CCDC187: variants seen among roughly 807,000 people sequenced by gnomAD.
CCDC187 encodes coiled-coil domain-containing protein 187.
A neutral mutation model predicts 38.0 loss-of-function variants in CCDC187; 32 were observed. The ratio of observed to expected loss-of-function variants is 0.84; its 90% CI spans 0.64 to 1.13. The LOEUF (loss-of-function observed/expected upper bound fraction) is 1.13. CCDC187 is among the 50% of genes most tolerant of loss of function. The pLI, the probability that CCDC187 is intolerant of heterozygous loss-of-function variation, is 0.00. For synonymous variants in CCDC187, 333 were observed against 347.9 expected (o/e 0.96, Z 0.48); for missense variants, 707 against 786.8 (o/e 0.90, Z 1.21).
At chr9:136,304,315 G>C (rs1831764593), upstream of CCDC187, among the ~76,000 whole-genome samples, 1 of 152,196 alleles carries the variant, frequency 6.6e-6, no homozygotes, top group Admixed American at 6.5e-5. Flanking sequence ...GGTGGGGGCG[G>C]GGCCTAACCC....
intron 12 of CCDC187, among the ~76,000 whole-genome samples, chr9:136,275,359 C>T (rs1394607168): frequency 2.0e-5 from 3 of 152,108 alleles, no homozygotes; most frequent in African/African-American, 4.8e-5. Context: ...TCCTGTGATG[C>T]GGGGAGCAGG....
intron 4 of CCDC187, among the ~76,000 whole-genome samples, chr9:136,293,337 T>A (rs1241412621): frequency 8.1e-5 from 10 of 123,294 alleles, no homozygotes; most frequent in African/African-American, 2.8e-4. Context: ...GCTTACACAC[T>A]CACACTCACA....
rs1433642270 is a variant in CCDC187, at chr9:136,257,460, T to G, written c.4367-619A>C. 6.6e-6 allele frequency among the ~76,000 whole-genome samples: 1 copy of G among 152,138 alleles called. No homozygotes were observed. The highest frequency in any genetic ancestry group is 1.5e-5 in the Non-Finnish European group (1 of 68,028). On this transcript the variant is annotated intron_variant, in intron 22 of 25. Transcript: ENST00000638797. The surrounding 1 kb of genome is among the most constrained non-coding windows in gnomAD (Gnocchi z 4.5). ...GGAAACCTTTTGCCAGAGCTTGTTC[T>G]TCCCCCTCGGTGCCGTCCGACAGAC...
rs533681154 is a variant in CCDC187, at chr9:136,264,858, C to A, written c.3736-1060G>T. Among the ~76,000 whole-genome samples the A allele has an allele frequency of 6.6e-6, 1 of 152,208 alleles. No individual in the cohort carries two copies. The highest frequency in any genetic ancestry group is 2.1e-4 in the South Asian group (1 of 4,826). On this transcript the variant is annotated intron_variant, in intron 17 of 25. Coordinates refer to ENST00000638797, the MANE Select transcript of CCDC187 (RefSeq NM_001378188.1). This position sits in a 1 kb window ranked among gnomAD's most constrained non-coding sequence, Gnocchi z 4.3. ...GCAGCCTTGACCTCCCAAGCTCAAGCAATCCTCCCATCTCAGTCCACCAAA... is the reference window on the plus strand; with the variant it reads ...GCAGCCTTGACCTCCCAAGCTCAAGAAATCCTCCCATCTCAGTCCACCAAA...
intron 4 of CCDC187, among the ~76,000 whole-genome samples, chr9:136,292,624 A>G (rs935387828): frequency 6.6e-6 from 1 of 152,172 alleles, no homozygotes; most frequent in African/African-American, 2.4e-5. Context: ...CTCTCAGCAC[A>G]GGCCGGGCAC....
chr9:136,298,829 G>C (rs1831600690), intron 3 of CCDC187, among the ~76,000 whole-genome samples: 1 of 152,260 alleles, frequency 6.6e-6, no homozygotes, highest in Non-Finnish European at 1.5e-5. Context: ...CAGAGTTTCA[G>C]TTTGGGAAGA....
chr9:136,298,815 G>A (rs1831600469), intron 3 of CCDC187, among the ~76,000 whole-genome samples: 1 of 152,240 alleles, frequency 6.6e-6, no homozygotes, highest in Non-Finnish European at 1.5e-5. Context: ...AGAGTAAGTG[G>A]GGACAGAGTT....
intron 7 of CCDC187, among the ~76,000 whole-genome samples, chr9:136,288,337 C>T (rs1157209704): frequency 1.3e-5 from 2 of 151,554 alleles, no homozygotes; most frequent in East Asian, 1.9e-4. Context: ...AGGGAGGGGT[C>T]GGGTCCTGCA....
At chr9:136,302,387 C>T (rs1428485579) in intron 2 of CCDC187, among the ~76,000 whole-genome samples, 1 of 149,732 alleles carries the variant, frequency 6.7e-6, no homozygotes. Context: ...CCACCACACT[C>T]CCACCCCCTG....
At chr9:136,299,236 G>A (rs957432361) in intron 3 of CCDC187, among the ~76,000 whole-genome samples, 7 of 152,108 alleles carry the variant, frequency 4.6e-5, no homozygotes, top group Non-Finnish European at 8.8e-5. Flanking sequence ...CCTGCTCTCC[G>A]AGGGGCCAGC....
chr9:136,295,560 G>A (rs1237863450), intron 4 of CCDC187, among the ~76,000 whole-genome samples: 3 of 152,164 alleles, frequency 2.0e-5, no homozygotes, highest in Admixed American at 6.5e-5. Flanking sequence ...CCTTTGGCCC[G>A]GATGGATGAA....
intron 6 of CCDC187, 91 bp from the exon 7 acceptor site, chr9:136,290,144 T>C (rs1831282691): frequency 2.5e-6 from 1 of 398,080 alleles, no homozygotes. Flanking sequence ...TTGACCTCCC[T>C]TGGGGGTCTC....
intron 17 of CCDC187, among the ~76,000 whole-genome samples, chr9:136,265,335 C>T (rs189924742): frequency 1.3e-5 from 2 of 152,196 alleles, no homozygotes; most frequent in African/African-American, 2.4e-5. Context: ...CTGGTGACAA[C>T]GATGGCAGGA....
chr9:136,270,469 G>A (rs182363617), intron 14 of CCDC187, among the ~76,000 whole-genome samples: 503 of 152,332 alleles, frequency 3.3e-3, no homozygotes, highest in African/African-American at 8.3e-3. Flanking sequence ...TTTCTTCTGT[G>A]TACTATAAGA....
chr9:136,273,133 A>C (rs1320413312), intron 14 of CCDC187, among the ~76,000 whole-genome samples: 1 of 152,224 alleles, frequency 6.6e-6, no homozygotes, highest in Non-Finnish European at 1.5e-5. Flanking sequence ...ACAGAACAAA[A>C]GAAAAATAAC....
Position 136,250,702 on chromosome 9 carries a change from G to C in CCDC187, c.*2892C>G, listed in dbSNP as rs1554759187. On this transcript the variant is annotated 3_prime_UTR_variant, in exon 26 of 26. Transcript: ENST00000638797. ...AAACATCTGCATTCTCAGGTGGGCTGGGCAGGAGCTGGTGCAAAATCAGAT... is the reference window on the plus strand; with the variant it reads ...AAACATCTGCATTCTCAGGTGGGCTCGGCAGGAGCTGGTGCAAAATCAGAT... The C allele has an allele frequency of 2.2e-6, 1 of 455,998 alleles. No individual in the cohort carries two copies. Among genetic ancestry groups the C allele is most frequent in the South Asian group, 1.5e-5 (1 of 64,538 alleles). 28.2% of individuals were successfully genotyped at this position (455,998 alleles called of 1,614,324 possible). A position where few individuals can be genotyped will look rare whatever the true frequency, so the allele number is the denominator to read the frequency against.
chr9:136,291,020 G>A lies in CCDC187; in HGVS notation c.1593C>T (p.Pro531=). Residue 531 remains proline, a synonymous_variant, in exon 6 of 26, where the codon CCC becomes CCT. Coordinates refer to ENST00000638797, the MANE Select transcript of CCDC187 (RefSeq NM_001378188.1). ...AGGGCTGTGTGGCTACAGCACTCCA[G>A]GGCTGCTGGGGGAAGGGGCTCCGCT... ...PEKRSPFPQQ[P]WSAVATQPCP... 2 of 398,780 alleles carry A rather than the reference G, an allele frequency of 5.0e-6. No homozygotes were observed. Among genetic ancestry groups the A allele is most frequent in the Non-Finnish European group, 8.8e-6 (2 of 226,208 alleles). 24.7% of individuals were successfully genotyped at this position (398,780 alleles called of 1,614,324 possible). A position where few individuals can be genotyped will look rare whatever the true frequency, so the allele number is the denominator to read the frequency against.
At chr9:136,259,867 A>C (rs1588650742) in intron 20 of CCDC187, among the ~76,000 whole-genome samples, 1 of 151,738 alleles carries the variant, frequency 6.6e-6, no homozygotes, top group South Asian at 2.1e-4. Context: ...CGGCTGGCAC[A>C]CCCCTCGATC....
At position 136,295,349 on chromosome 9, in the gene CCDC187, G is replaced by A. The variant is rs954613537; in HGVS notation, c.832+2365C>T. On this transcript the variant is annotated intron_variant, in intron 4 of 25. Transcript: ENST00000638797. The stretch of plus-strand genomic sequence containing the variant: ...ATTAGCCCGCCAGAGGGTCCCGCTC[G>A]ATAAATGGGTCCTGATGGGCACATT... 4.6e-5 allele frequency among the ~76,000 whole-genome samples: 7 copies of A among 152,338 alleles called. No homozygotes were observed. In the East Asian group the frequency reaches 1.4e-3, roughly 29 times the overall value.
Sources: allele counts gnomAD v4.1 joint callset (sites outside exome capture counted in the v4.1 genomes callset), GRCh38; gene constraint gnomAD v4.1.1; non-coding constraint Gnocchi (gnomAD v3.1); transcripts MANE v1.5; gene names NCBI Gene and HGNC (gene_info 2026-07-23, HGNC 2026-07-21).